The following FRMD3 variants were observed in gnomAD, a reference collection of about 807,000 sequenced individuals.
The protein encoded by FRMD3 is FERM domain containing 3.
FRMD3 carries 33 observed loss-of-function variants against 70.2 expected under a neutral mutation model. The ratio of observed to expected loss-of-function variants is 0.47; its 90% CI spans 0.36 to 0.63. FRMD3 has a LOEUF of 0.63. Ranked by LOEUF, FRMD3 falls within the 20% of genes least tolerant of loss-of-function variation. The probability of loss-of-function intolerance (pLI) is 0.00; values close to 1 mark genes in which losing one functional copy is unlikely to be tolerated. For synonymous variants in FRMD3, 279 were observed against 255.9 expected (o/e 1.09, Z -0.86); for missense variants, 632 against 711.4 (o/e 0.89, Z 1.27).
chr9:83,525,811 T>C (rs1829672863), intron 1 of FRMD3, among the ~76,000 whole-genome samples: 2 of 152,084 alleles, frequency 1.3e-5, no homozygotes, highest in Admixed American at 1.3e-4. Flanking sequence ...GAGAGTTGCC[T>C]AACAAAGGAA....
chr9:83,394,197 C>A (rs2131305919), intron 1 of FRMD3, among the ~76,000 whole-genome samples: 1 of 152,204 alleles, frequency 6.6e-6, no homozygotes, highest in East Asian at 1.9e-4. Context: ...GAACCCCCTG[C>A]AATAATCTCA....
At position 83,248,502 on chromosome 9, in the gene FRMD3, T is replaced by TA; in HGVS notation, c.1209dup (p.Lys404Ter). ...AAGGGAGCAGAAATGTTCTCCTCTT[T>TA]AGGCAATGGAACACCTGTAAAGAGA... On this transcript the variant is annotated frameshift_variant, in exon 14 of 14. Coordinates refer to ENST00000304195, the MANE Select transcript of FRMD3 (RefSeq NM_174938.6). LOFTEE classifies it high-confidence loss of function. 6.2e-7 allele frequency: 1 copy of TA among 1,608,430 alleles called. No individual in the cohort carries two copies. The highest frequency in any genetic ancestry group is 8.5e-7 in the Non-Finnish European group (1 of 1,178,930).
At position 83,248,273 on chromosome 9, in the gene FRMD3, G is replaced by A. The variant is rs572422981; in HGVS notation, c.1439C>T (p.Thr480Ile). The A allele has an allele frequency of 6.2e-7, 1 of 1,614,188 alleles. No homozygotes were observed. Among genetic ancestry groups the A allele is most frequent in the East Asian group, 2.2e-5 (1 of 44,884 alleles). The change falls in exon 14 of 14, where the codon ACA (threonine) becomes ATA (isoleucine). Residue 480 changes from threonine to isoleucine, a missense_variant. By Grantham distance (89) the Thr-to-Ile change is moderately conservative. This residue lies in a region of FRMD3 where 418 missense variants were observed against 442.1 expected (regional missense o/e 0.95). Coordinates refer to ENST00000304195, the MANE Select transcript of FRMD3 (RefSeq NM_174938.6). ...TGCTTCCAGATCCTCAAATGAATCTGTGTCTTCTCTTTCCAACTCAAGCCT... is the reference window on the plus strand; with the variant it reads ...TGCTTCCAGATCCTCAAATGAATCTATGTCTTCTCTTTCCAACTCAAGCCT... Reference protein sequence around the residue: ...PSRLELEREDTDSFEDLEADE... With the variant: ...PSRLELEREDIDSFEDLEADE...
chr9:83,575,368 C>A, the FRMD3 span, among the ~76,000 whole-genome samples: 1 of 152,146 alleles, frequency 6.6e-6, no homozygotes, highest in Non-Finnish European at 1.5e-5. Context: ...ATGGTTTTCT[C>A]TATTTTTCAG....
At chr9:83,562,521 A>G in the FRMD3 span, among the ~76,000 whole-genome samples, 14 of 152,324 alleles carry the variant, frequency 9.2e-5, no homozygotes, top group Non-Finnish European at 1.6e-4. Flanking sequence ...GCTATGCCCA[A>G]GGTGACTTCA....
intron 1 of FRMD3, among the ~76,000 whole-genome samples, chr9:83,522,103 A>G (rs1829583741): frequency 6.6e-6 from 1 of 152,242 alleles, no homozygotes; most frequent in Admixed American, 6.5e-5. Flanking sequence ...TTATAGCAAG[A>G]TACAATTTTG....
At chr9:83,430,928 A>C (rs1421501808) in intron 1 of FRMD3, among the ~76,000 whole-genome samples, 1 of 152,170 alleles carries the variant, frequency 6.6e-6, no homozygotes, top group East Asian at 1.9e-4. Context: ...TGCACCACTT[A>C]GTTCCTTTAG....
At chr9:83,270,273 G>A (rs1397622005) in intron 13 of FRMD3, among the ~76,000 whole-genome samples, 1 of 152,252 alleles carries the variant, frequency 6.6e-6, no homozygotes, top group Non-Finnish European at 1.5e-5. Context: ...ATAATGAGAT[G>A]TCAGAAACAC....
At chr9:83,585,012 T>C in the FRMD3 span, among the ~76,000 whole-genome samples, 6 of 152,336 alleles carry the variant, frequency 3.9e-5, no homozygotes, top group Non-Finnish European at 7.4e-5. Context: ...CTGAGGTTTC[T>C]TAAACTAGAG....
At chr9:83,280,233 CAAAT>C (rs1400965342) in intron 13 of FRMD3, among the ~76,000 whole-genome samples, 1 of 152,166 alleles carries the variant, frequency 6.6e-6, no homozygotes, top group Non-Finnish European at 1.5e-5. Flanking sequence ...ATCAAGTGAA[CAAAT>C]GAATGAACAA....
chr9:83,495,273 G>A (rs1430415443), intron 1 of FRMD3, among the ~76,000 whole-genome samples: 3 of 152,168 alleles, frequency 2.0e-5, no homozygotes, highest in Non-Finnish European at 2.9e-5. Context: ...TTTCCAGGAG[G>A]AGCAAGTGGC....
chr9:83,466,291 A>G (rs1243451938), intron 1 of FRMD3, among the ~76,000 whole-genome samples: 1 of 152,190 alleles, frequency 6.6e-6, no homozygotes, highest in African/African-American at 2.4e-5. Context: ...TTCTTCAAGA[A>G]TTTGCATTTT....
intron 2 of FRMD3, among the ~76,000 whole-genome samples, chr9:83,382,240 C>G (rs745469488): frequency 6.6e-6 from 1 of 152,048 alleles, no homozygotes; most frequent in Non-Finnish European, 1.5e-5. Flanking sequence ...AGTCAAAGAT[C>G]AGCTAGCCTC....
intron 3 of FRMD3, among the ~76,000 whole-genome samples, chr9:83,358,243 G>A (rs1231071256): frequency 6.6e-6 from 1 of 152,182 alleles, no homozygotes. Flanking sequence ...TTGGCTGTAA[G>A]TATTTGGCTT....
chr9:83,557,991 T>C, the FRMD3 span, among the ~76,000 whole-genome samples: 1 of 152,200 alleles, frequency 6.6e-6, no homozygotes, highest in Non-Finnish European at 1.5e-5. Flanking sequence ...TACAAGCTCT[T>C]GGGGTCCATC....
the FRMD3 span, among the ~76,000 whole-genome samples, chr9:83,553,842 G>A: frequency 6.6e-6 from 1 of 152,234 alleles, no homozygotes; most frequent in South Asian, 2.1e-4. Flanking sequence ...CATATTCTGA[G>A]TTCTATTTCT....
chr9:83,301,872 G>C (rs1472334536), intron 10 of FRMD3, among the ~76,000 whole-genome samples: 1 of 152,270 alleles, frequency 6.6e-6, no homozygotes, highest in African/African-American at 2.4e-5. Flanking sequence ...TGAGCAGAGA[G>C]AAAAGACTGT....
At chr9:83,458,420 G>T (rs1475745748) in intron 1 of FRMD3, among the ~76,000 whole-genome samples, 1 of 152,182 alleles carries the variant, frequency 6.6e-6, no homozygotes, top group Non-Finnish European at 1.5e-5. Context: ...GACTGAGAGG[G>T]ATGAGACAAA....
intron 3 of FRMD3, among the ~76,000 whole-genome samples, chr9:83,356,470 G>A (rs1310053634): frequency 6.6e-6 from 1 of 151,572 alleles, no homozygotes; most frequent in Non-Finnish European, 1.5e-5. Context: ...TAGAGACGGG[G>A]TTTCACCGTG....
Sources: allele counts gnomAD v4.1 joint callset (sites outside exome capture counted in the v4.1 genomes callset), GRCh38; gene constraint gnomAD v4.1.1; regional missense constraint gnomAD v4.1.1; transcripts MANE v1.5; gene names NCBI Gene and HGNC (gene_info 2026-07-23, HGNC 2026-07-21).